The following OR13A1 variants were observed in gnomAD, a reference collection of about 807,000 sequenced individuals.
OR13A1 encodes olfactory receptor 13A1.
OR13A1 carries 10 observed loss-of-function variants against 7.5 expected under a neutral mutation model. That is an observed-to-expected ratio of 1.34 (90% CI 0.83 to 2.27). OR13A1 has a LOEUF of 2.27. Ranked by LOEUF, OR13A1 falls within the 30% of genes most tolerant of loss-of-function variation. The pLI is 0.00. For synonymous variants in OR13A1, 238 were observed against 177.9 expected (o/e 1.34, Z -2.69); for missense variants, 509 against 419.1 (o/e 1.21, Z -1.87).
At chr10:45,309,057 G>C (rs142188888) in intron 1 of OR13A1, among the ~76,000 whole-genome samples, 2 of 152,274 alleles carry the variant, frequency 1.3e-5, no homozygotes, top group African/African-American at 4.8e-5. Flanking sequence ...TCACAGAAAG[G>C]CCAATTCAGA....
In OR13A1 at chr10:45,303,744, C is replaced by T; in HGVS notation, c.679G>A (p.Val227Met). ...GACGCGATGGTCATCAGGAAGTTCA[C>T]TATGCCGTAGAAAGCATCCGCCAGG... ...IVLADAFYGI[V>M]NFLMTIASYG... The change falls in exon 4 of 4, where the codon GTG becomes ATG. Residue 227 changes from valine to methionine, a missense_variant. Coordinates refer to ENST00000553795, the MANE Select transcript of OR13A1 (RefSeq NM_001004297.3). 1 of 1,614,198 alleles carries T rather than the reference C, an allele frequency of 6.2e-7. No individual in the cohort carries two copies. Among genetic ancestry groups the T allele is most frequent in the Admixed American group, 1.7e-5 (1 of 60,024 alleles).
intron 1 of OR13A1, among the ~76,000 whole-genome samples, chr10:45,314,737 C>T (rs969011323): frequency 5.3e-5 from 8 of 152,038 alleles, no homozygotes; most frequent in Admixed American, 4.6e-4. Flanking sequence ...CATTAGAACC[C>T]ATGCCATAGA....
At chr10:45,307,185 C>T (rs573740344) in intron 3 of OR13A1, among the ~76,000 whole-genome samples, 1 of 152,302 alleles carries the variant, frequency 6.6e-6, no homozygotes, top group East Asian at 1.9e-4. Flanking sequence ...AGATGGAAAA[C>T]GCATCCATCA....
chr10:45,306,542 T>A (rs867999324), intron 3 of OR13A1, among the ~76,000 whole-genome samples: 1 of 152,234 alleles, frequency 6.6e-6, no homozygotes, highest in South Asian at 2.1e-4. Flanking sequence ...TTGGAAGATG[T>A]CCATTTTAAA....
At chr10:45,308,493 C>G (rs1428292964) in intron 1 of OR13A1, among the ~76,000 whole-genome samples, 2 of 152,174 alleles carry the variant, frequency 1.3e-5, no homozygotes, top group Non-Finnish European at 2.9e-5. Flanking sequence ...AATGTAAACC[C>G]TAAACTCTCA....
In OR13A1 at chr10:45,303,503, A is replaced by C; in HGVS notation, c.920T>G (p.Ile307Ser). The C allele has an allele frequency of 6.2e-7, 1 of 1,614,022 alleles. No individual in the cohort carries two copies. Among genetic ancestry groups the C allele is most frequent in the South Asian group, 1.1e-5 (1 of 91,056 alleles). Residue 307 changes from isoleucine to serine, a missense_variant, in exon 4 of 4, where the codon ATC (isoleucine) becomes AGC (serine). By Grantham distance (142) the Ile-to-Ser change is moderately radical. Coordinates refer to ENST00000553795, the MANE Select transcript of OR13A1 (RefSeq NM_001004297.3). ...GACCTCCTTGTTTCTCAAAGTATAGATGAGGGGGTTGAGGGTAGGACTCAG... is the reference window on the plus strand; with the variant it reads ...GACCTCCTTGTTTCTCAAAGTATAGCTGAGGGGGTTGAGGGTAGGACTCAG... The part of the protein sequence containing the change: ...TVLSPTLNPL[I>S]YTLRNKEVKA...
Position 45,306,447 on chromosome 10 carries a change from C to T in OR13A1, c.-13+979G>A, listed in dbSNP as rs1014143409. ...CAGCCTGGGTGACAGAGCGAGACTC[C>T]GTCTCAAAAAAAAAAAAAAAAGTTA... On this transcript the variant is annotated intron_variant, in intron 3 of 3. Coordinates refer to ENST00000553795, the MANE Select transcript of OR13A1 (RefSeq NM_001004297.3). 2.2e-4 allele frequency among the ~76,000 whole-genome samples: 20 copies of T among 90,800 alleles called. No homozygotes were observed. The South Asian group carries it at 3.3e-3, about 15-fold the overall frequency. The allele number at this position is 90,800 out of a possible 152,430, so 59.6% of individuals were successfully genotyped here. A position where few individuals can be genotyped will look rare whatever the true frequency, so the allele number is the denominator to read the frequency against.
chr10:45,303,290 C>T lies in OR13A1; in HGVS notation c.*146G>A. 1 of 846,540 alleles carries T rather than the reference C, an allele frequency of 1.2e-6. No homozygotes were observed. 52.4% of individuals were successfully genotyped at this position (846,540 alleles called of 1,614,324 possible). A position where few individuals can be genotyped will look rare whatever the true frequency, so the allele number is the denominator to read the frequency against. ...CCGCAATCCCCCCATCACCAAGTCT[C>T]AGGGAACCAGCACTCCCAGCTCATC... On this transcript the variant is annotated 3_prime_UTR_variant, in exon 4 of 4. Coordinates refer to ENST00000553795, the MANE Select transcript of OR13A1 (RefSeq NM_001004297.3).
chr10:45,306,695 A>G (rs1181559418), intron 3 of OR13A1, among the ~76,000 whole-genome samples: 1 of 152,178 alleles, frequency 6.6e-6, no homozygotes, highest in African/African-American at 2.4e-5. Context: ...TGTTTTTTGA[A>G]TAGGCAAGCA....
chr10:45,303,359 C>T lies in OR13A1; in HGVS notation c.*77G>A, dbSNP rs1838245562. On this transcript the variant is annotated 3_prime_UTR_variant, in exon 4 of 4. Transcript: ENST00000553795. ...GGTTAGAAAAAACAAGTCTATTTAC[C>T]TCCCAGTCCAGAAACTTGCTCATCA... The T allele has an allele frequency of 2.1e-6, 3 of 1,435,400 alleles. No homozygotes were observed. The highest frequency in any genetic ancestry group is 2.2e-5 in the Admixed American group (1 of 44,576). 88.9% of individuals were successfully genotyped at this position (1,435,400 alleles called of 1,614,324 possible). A position where few individuals can be genotyped will look rare whatever the true frequency, so the allele number is the denominator to read the frequency against.
chr10:45,304,639 C>T (rs1282956152), intron 3 of OR13A1: 52 of 550,604 alleles, frequency 9.4e-5, no homozygotes, highest in South Asian at 2.8e-5. Flanking sequence ...CATCATTCAA[C>T]CTCAAACAAA....
At chr10:45,312,482 T>C (rs59222830) in intron 1 of OR13A1, among the ~76,000 whole-genome samples, 2,341 of 151,804 alleles carry the variant, frequency 0.015, 56 homozygotes, top group African/African-American at 0.053. Context: ...AATGTAGAAT[T>C]TTACACTCAC....
chr10:45,308,729 C>T (rs1458281191), intron 1 of OR13A1: 1 of 152,094 alleles, frequency 6.6e-6, no homozygotes, highest in East Asian at 1.9e-4. Flanking sequence ...AATGATTTCA[C>T]CTTTGTAGAG....
chr10:45,311,813 A>G (rs1838452853), intron 1 of OR13A1, among the ~76,000 whole-genome samples: 1 of 152,184 alleles, frequency 6.6e-6, no homozygotes, highest in Non-Finnish European at 1.5e-5. Flanking sequence ...CTGCACATGT[A>G]CCTCTGAACC....
chr10:45,304,372 G>T lies in OR13A1; in HGVS notation c.51C>A (p.Ser17Arg), dbSNP rs747733720. The T allele has an allele frequency of 6.2e-7, 1 of 1,614,032 alleles. No homozygotes were observed. The highest frequency in any genetic ancestry group is 1.1e-5 in the South Asian group (1 of 91,056). The stretch of plus-strand genomic sequence containing the variant: ...ACGTCTGGTTACTCATCATCCTTGG[G>T]CTGGGACGGGTTTCTGGGACTATCA... ...SHLIVPETRPSPRMMSNQTLV... is the reference protein window; with the variant it reads ...SHLIVPETRPRPRMMSNQTLV... Residue 17 changes from serine (S) to arginine (R), a missense_variant, in exon 4 of 4, where the codon AGC becomes AGA. Physicochemically the swap from Ser to Arg is moderately radical, Grantham distance 110. Coordinates refer to ENST00000553795, the MANE Select transcript of OR13A1 (RefSeq NM_001004297.3).
rs549883923 is a variant in OR13A1, at chr10:45,305,416, G to A, written c.-12-982C>T. Among the ~76,000 whole-genome samples, 38 of 152,182 alleles carry A rather than the reference G, an allele frequency of 2.5e-4. No homozygotes were observed. In the South Asian group the frequency reaches 7.5e-3, roughly 30 times the overall value. ...AAGCATGTTTGTATATGCACCTGTA[G>A]GAAAAACACTGGTGAGTGCTAGACC... On this transcript the variant is annotated intron_variant, in intron 3 of 3. Transcript: ENST00000553795.
intron 3 of OR13A1, among the ~76,000 whole-genome samples, chr10:45,306,358 C>G (rs1196877824): frequency 6.6e-6 from 1 of 151,578 alleles, no homozygotes; most frequent in East Asian, 1.9e-4. Flanking sequence ...GAGGCTGAGG[C>G]AGGAGAATGG....
intron 1 of OR13A1, among the ~76,000 whole-genome samples, chr10:45,311,749 A>C (rs1838451409): frequency 7.0e-6 from 1 of 143,802 alleles, no homozygotes; most frequent in Non-Finnish European, 1.5e-5. Flanking sequence ...TTAGTACCTG[A>C]GTGATGAAAT....
chr10:45,308,226 A>T (rs11239436), intron 1 of OR13A1, among the ~76,000 whole-genome samples: 12,590 of 152,300 alleles, frequency 0.083, 718 homozygotes, highest in Non-Finnish European at 0.11. Context: ...TCTGAAAGAC[A>T]TTTTGAAGAT....
Sources: gnomAD v4.1 joint callset for allele counts (sites outside exome capture counted in the v4.1 genomes callset) on GRCh38, gnomAD v4.1.1 for gene constraint, MANE v1.5 for transcripts, NCBI Gene and HGNC (gene_info 2026-07-23, HGNC 2026-07-21) for gene names.